The following PDCD6IP variants were observed in gnomAD, a reference collection of about 807,000 sequenced individuals.
The protein encoded by PDCD6IP is programmed cell death 6-interacting protein.
Under a neutral mutation model 103.7 loss-of-function variants are expected in PDCD6IP, and 43 were observed. The ratio of observed to expected loss-of-function variants is 0.41; its 90% confidence interval spans 0.32 to 0.53. The LOEUF (loss-of-function observed/expected upper bound fraction) is 0.53. PDCD6IP is among the 20% of genes least tolerant of loss of function. The pLI, the probability that PDCD6IP is intolerant of heterozygous loss-of-function variation, is 0.16. For missense variants in PDCD6IP, 871 were observed against 1,036.7 expected (o/e 0.84, Z 2.20); for synonymous variants, 354 against 378.7 (o/e 0.93, Z 0.76).
rs9883228 is a variant in PDCD6IP at position 33,828,711 on chromosome 3, C to G, written c.718-142C>G. 3.7e-3 allele frequency: 2,645 copies of G among 707,898 alleles called. 45 individuals carry two copies. The African/African-American group carries it at 0.043, about 11-fold the overall frequency. The allele number at this position is 707,898 out of a possible 1,614,324, so 43.9% of individuals were successfully genotyped here. A position where few individuals can be genotyped will look rare whatever the true frequency, so the allele number is the denominator to read the frequency against. ...AATCATGTCGTCTTCTCTGTTTACA[C>G]CTAATGACTAACCTTAATCTCTAAA... is the stretch of plus-strand genomic sequence containing the variant. On this transcript the variant is annotated intron_variant, in intron 6 of 17. Transcript: ENST00000307296.
Position 33,866,571 on chromosome 3 carries a change from A to G in PDCD6IP, c.*46A>G. Reference sequence around the variant, plus strand: ...GCTGATTCAGATCAGAGGGAAAGAAATACCAACCCTGCAATAAGTGTACTA... The same window carrying G: ...GCTGATTCAGATCAGAGGGAAAGAAGTACCAACCCTGCAATAAGTGTACTA... On this transcript the variant is annotated 3_prime_UTR_variant, in exon 18 of 18. Coordinates refer to ENST00000307296, the MANE Select transcript of PDCD6IP (RefSeq NM_013374.6). The G allele has an allele frequency of 6.9e-7, 1 of 1,457,052 alleles. No homozygotes were observed. The highest frequency in any genetic ancestry group is 9.3e-7 in the Non-Finnish European group (1 of 1,074,724). 90.3% of individuals were successfully genotyped at this position (1,457,052 alleles called of 1,614,324 possible).
chr3:33,827,591 G>T (rs1697156641), intron 6 of PDCD6IP: 1 of 152,110 alleles, frequency 6.6e-6, no homozygotes, highest in Admixed American at 6.6e-5. Flanking sequence ...AGAGACTTGG[G>T]ATCTCCTCTC....
intron 1 of PDCD6IP, among the ~76,000 whole-genome samples, chr3:33,811,864 G>T (rs1339778222): frequency 6.6e-6 from 1 of 152,164 alleles, no homozygotes; most frequent in Non-Finnish European, 1.5e-5. Flanking sequence ...ATATTTTTCT[G>T]TGGTGGTGGG....
chr3:33,814,426 G>A (rs1473474921), intron 3 of PDCD6IP, among the ~76,000 whole-genome samples: 1 of 151,546 alleles, frequency 6.6e-6, no homozygotes, highest in Non-Finnish European at 1.5e-5. Context: ...TGAGCCCCTG[G>A]CCTATTCCAT....
chr3:33,825,061 C>T (rs1395469047), intron 4 of PDCD6IP, 126 bp from the exon 5 acceptor site: 9 of 795,284 alleles, frequency 1.1e-5, no homozygotes, highest in East Asian at 5.2e-5. Context: ...ATTGGTTTTG[C>T]ATAATATAAA....
intron 1 of PDCD6IP, among the ~76,000 whole-genome samples, chr3:33,803,657 AT>A (rs1006987753): frequency 7.9e-5 from 12 of 151,846 alleles, no homozygotes; most frequent in African/African-American, 2.9e-4. Context: ...TGTAGTTAAC[AT>A]TTTTTTTCTT....
chr3:33,821,871 A>G, intron 3 of PDCD6IP, 84 bp from the exon 4 acceptor site: 1 of 1,288,502 alleles, frequency 7.8e-7, no homozygotes, highest in Admixed American at 2.3e-5. Flanking sequence ...GCGGGATGAG[A>G]GAGGTCATAG....
At chr3:33,823,760 C>A (rs752752923) in intron 4 of PDCD6IP, among the ~76,000 whole-genome samples, 1 of 151,802 alleles carries the variant, frequency 6.6e-6, no homozygotes, top group Non-Finnish European at 1.5e-5. Flanking sequence ...CTAGTCTGGG[C>A]GACAAGAGCA....
At chr3:33,814,625 T>C (rs1696796966) in intron 3 of PDCD6IP, among the ~76,000 whole-genome samples, 1 of 147,474 alleles carries the variant, frequency 6.8e-6, no homozygotes, top group Non-Finnish European at 1.5e-5. Flanking sequence ...ACATATAATG[T>C]GTATTATATG....
intron 3 of PDCD6IP, among the ~76,000 whole-genome samples, chr3:33,818,097 GTTTTTTTT>G (rs756780125): frequency 4.3e-4 from 29 of 68,086 alleles, no homozygotes; most frequent in African/African-American, 1.6e-3. Context: ...TTTCATTCTT[GTTTTTTTT>G]TTTTTTTTTT....
chr3:33,819,280 A>G (rs9851321), intron 3 of PDCD6IP, among the ~76,000 whole-genome samples: 1 of 152,098 alleles, frequency 6.6e-6, no homozygotes, highest in Non-Finnish European at 1.5e-5. Context: ...TTTAATTTTT[A>G]GGAGCTTTGT....
chr3:33,851,186 G>A (rs1257174846), intron 12 of PDCD6IP, among the ~76,000 whole-genome samples: 1 of 152,020 alleles, frequency 6.6e-6, no homozygotes, highest in Non-Finnish European at 1.5e-5. Context: ...ATTGCTGCTG[G>A]TAGTGAGAAA....
intron 6 of PDCD6IP, 147 bp downstream of exon 6, chr3:33,826,727 T>G: frequency 7.2e-7 from 1 of 1,388,974 alleles, no homozygotes; most frequent in Non-Finnish European, 9.4e-7. Context: ...AGTTTTTTTT[T>G]TTTTTTAATT....
chr3:33,866,344 C>CTCCT lies in PDCD6IP; in HGVS notation c.2433-6_2433-5insCCTT, dbSNP rs869267357. The CTCCT allele has an allele frequency of 7.0e-7, 1 of 1,422,186 alleles. No homozygotes were observed. The highest frequency in any genetic ancestry group is 9.2e-7 in the Non-Finnish European group (1 of 1,086,710). 88.1% of individuals were successfully genotyped at this position (1,422,186 alleles called of 1,614,324 possible). ...CCAATCAAGATTTTTCTGTTTTCTT[C>CTCCT]TATCAGGTATTGCCAAATGCCCATG... On this transcript the variant is annotated splice_region_variant and splice_polypyrimidine_tract_variant and intron_variant, in intron 17 of 17. Transcript: ENST00000307296.
At chr3:33,856,769 T>C (rs907857877) in intron 15 of PDCD6IP, among the ~76,000 whole-genome samples, 1 of 152,184 alleles carries the variant, frequency 6.6e-6, no homozygotes, top group African/African-American at 2.4e-5. Context: ...AAAATTAGGC[T>C]GGCAGCTCTG....
At position 33,868,785 on chromosome 3, in the gene PDCD6IP, C is replaced by G. The variant is rs1302720993; in HGVS notation, c.*2260C>G. Reference sequence around the variant, plus strand: ...TCATCCCCAGACCATTTATGCTGAGCTTTGGAATACTATTTTAAACTGGAT... The same window carrying G: ...TCATCCCCAGACCATTTATGCTGAGGTTTGGAATACTATTTTAAACTGGAT... On this transcript the variant is annotated 3_prime_UTR_variant, in exon 18 of 18. Transcript: ENST00000307296. The G allele has an allele frequency of 6.6e-6, 1 of 152,134 alleles. No homozygotes were observed. The highest frequency in any genetic ancestry group is 1.5e-5 in the Non-Finnish European group (1 of 68,034). The allele number at this position is 152,134 out of a possible 1,614,324, so 9.4% of individuals were successfully genotyped here. A position where few individuals can be genotyped will look rare whatever the true frequency, so the allele number is the denominator to read the frequency against.
Position 33,811,982 on chromosome 3 carries a change from T to A in PDCD6IP, c.210-90T>A, listed in dbSNP as rs1471505873. ...AATAGCTGCTCAAAGTAAGCATGAA[T>A]AATTTTTGTATCATTTTAAACCAGT... On this transcript the variant is annotated intron_variant, in intron 1 of 17. Coordinates refer to ENST00000307296, the MANE Select transcript of PDCD6IP (RefSeq NM_013374.6). 4 of 1,428,506 alleles carry A rather than the reference T, an allele frequency of 2.8e-6. No homozygotes were observed. The African/African-American group carries it at 5.9e-5, about 21-fold the overall frequency. 88.5% of individuals were successfully genotyped at this position (1,428,506 alleles called of 1,614,324 possible). A position where few individuals can be genotyped will look rare whatever the true frequency, so the allele number is the denominator to read the frequency against.
At position 33,836,204 on chromosome 3, in the gene PDCD6IP, T is replaced by C. The variant is rs142953386; in HGVS notation, c.995T>C (p.Ile332Thr). Residue 332 changes from isoleucine (I) to threonine (T), a missense_variant, in exon 8 of 18, where the codon ATT becomes ACT. Ile to Thr is a moderately conservative substitution (Grantham distance 89, BLOSUM62 -1). This residue lies in a region of PDCD6IP where 242 missense variants were observed against 250.7 expected (regional missense o/e 0.97). Coordinates refer to ENST00000307296, the MANE Select transcript of PDCD6IP (RefSeq NM_013374.6). ...RVPDLKDLDP[I>T]GKATLVKSTP... ...CCAGACCTTAAAGATCTAGATCCTA[T>C]TGGCAAAGCCACACTTGTGAAATCT... 585 of 1,613,718 alleles carry C rather than the reference T, an allele frequency of 3.6e-4. 8 individuals carry two copies. In the East Asian group the frequency reaches 0.012, roughly 32 times the overall value.
chr3:33,823,501 G>A (rs1575914813), intron 4 of PDCD6IP, among the ~76,000 whole-genome samples: 1 of 152,026 alleles, frequency 6.6e-6, no homozygotes. Context: ...ATGTGAAAAC[G>A]AGCTGGGCGT....
Sources: gnomAD v4.1 joint callset for allele counts (sites outside exome capture counted in the v4.1 genomes callset) on GRCh38, gnomAD v4.1.1 for gene constraint, gnomAD v4.1.1 regional missense constraint, MANE v1.5 for transcripts, NCBI Gene and HGNC (gene_info 2026-07-23, HGNC 2026-07-21) for gene names.